The following AP4E1 variants were observed in gnomAD, a reference collection of about 807,000 sequenced individuals.
The protein encoded by AP4E1 is AP-4 complex subunit epsilon-1.
AP4E1 carries 56 observed loss-of-function variants against 128.2 expected under a neutral mutation model. That is an observed-to-expected ratio of 0.44 (90% confidence interval 0.35 to 0.55). AP4E1 has a LOEUF of 0.55. Among genes scored for constraint, AP4E1 ranks in the 20% least tolerant of loss-of-function variants. The pLI is 0.00. For synonymous variants in AP4E1, 484 were observed against 473.1 expected, an observed-to-expected ratio of 1.02 and a Z score of -0.30; for missense variants, 1,324 against 1,307.7, an observed-to-expected ratio of 1.01 and a Z score of -0.19.
Position 51,001,105 on chromosome 15 carries a change from T to G in AP4E1, c.3175T>G (p.Ser1059Ala), listed in dbSNP as rs1162164588. ...TGATGTGAAACAAAATGTAAAAATG[T>G]CAGAATCTCAAGCTGCACTTCCTTC... ...ANDVKQNVKM[S>A]ESQAALPSAL... Residue 1059 changes from serine (S) to alanine (A), a missense_variant, in exon 20 of 21, where the codon TCA (serine) becomes GCA (alanine). Transcript: ENST00000261842. 1.1e-5 allele frequency: 18 copies of G among 1,613,476 alleles called. No homozygotes were observed. Among genetic ancestry groups the G allele is most frequent in the Non-Finnish European group, 1.5e-5 (18 of 1,179,670 alleles).
intron 4 of AP4E1, among the ~76,000 whole-genome samples, chr15:50,924,598 T>A (rs932941868): frequency 6.6e-6 from 1 of 152,172 alleles, no homozygotes; most frequent in Non-Finnish European, 1.5e-5. Context: ...ATATACTATA[T>A]TAAGGTTACT....
At chr15:50,990,344 T>TTTTTTATTA (rs143254695) in intron 16 of AP4E1, among the ~76,000 whole-genome samples, 29 of 141,100 alleles carry the variant, frequency 2.1e-4, no homozygotes, top group Admixed American at 2.8e-4. Flanking sequence ...ATTTATTTAA[T>TTTTTTATTA]TTATTATTAT....
chr15:51,001,094 A>G lies in AP4E1; in HGVS notation c.3164A>G (p.Asn1055Ser), dbSNP rs1369890989. Residue 1055 changes from asparagine (N) to serine (S), a missense_variant, in exon 20 of 21, where the codon AAT becomes AGT. Coordinates refer to ENST00000261842, the MANE Select transcript of AP4E1 (RefSeq NM_007347.5). ...WLSFANDVKQNVKMSESQAAL... is the reference protein window; with the variant it reads ...WLSFANDVKQSVKMSESQAAL... ...TCCTTCGCAAATGATGTGAAACAAAATGTAAAAATGTCAGAATCTCAAGCT... is the reference window on the plus strand; with the variant it reads ...TCCTTCGCAAATGATGTGAAACAAAGTGTAAAAATGTCAGAATCTCAAGCT... The G allele has an allele frequency of 8.1e-6, 13 of 1,613,504 alleles. No homozygotes were observed. The highest frequency in any genetic ancestry group is 1.0e-5 in the Non-Finnish European group (12 of 1,179,676).
intron 14 of AP4E1, among the ~76,000 whole-genome samples, chr15:50,964,679 G>C (rs2140888002): frequency 6.6e-6 from 1 of 151,794 alleles, no homozygotes; most frequent in South Asian, 2.1e-4. Flanking sequence ...TAAGGTGCTT[G>C]GGCTTTGATT....
Position 50,997,551 on chromosome 15 carries a change from C to T in AP4E1, c.2572C>T (p.Leu858Phe), listed in dbSNP as rs1298424820. The stretch of plus-strand genomic sequence containing the variant: ...TTCAGAACTTTTGGATTCTGAGTCA[C>T]TCACAGAACTGCCCTTGGTTGAGAA... ...LTSELLDSES[L>F]TELPLVEKFS... is the part of the protein sequence containing the mutation. The change falls in exon 18 of 21, where the codon CTC (leucine) becomes TTC (phenylalanine). Residue 858 changes from leucine to phenylalanine, a missense_variant. Physicochemically the swap from Leu to Phe is conservative, Grantham distance 22. Transcript: ENST00000261842. 11 of 1,614,084 alleles carry T rather than the reference C, an allele frequency of 6.8e-6. No homozygotes were observed. The highest frequency in any genetic ancestry group is 1.7e-5 in the Admixed American group (1 of 60,016).
At chr15:50,952,595 A>G (rs1455481971) in intron 13 of AP4E1, among the ~76,000 whole-genome samples, 2 of 152,126 alleles carry the variant, frequency 1.3e-5, no homozygotes, top group African/African-American at 4.8e-5. Flanking sequence ...ATTTGTACCA[A>G]AAAATGTCTC....
intron 3 of AP4E1, among the ~76,000 whole-genome samples, chr15:50,922,525 T>C (rs1373111482): frequency 1.3e-5 from 2 of 152,134 alleles, no homozygotes; most frequent in Non-Finnish European, 2.9e-5. Context: ...TCCTGTTCCA[T>C]GGTAGACACA....
At chr15:50,980,685 T>C (rs12898530) in intron 15 of AP4E1, among the ~76,000 whole-genome samples, 65,905 of 151,772 alleles carry the variant, frequency 0.43, 14,503 homozygotes, top group East Asian at 0.59. Flanking sequence ...GTGCAGAATG[T>C]TTTCAGGGGA....
At position 50,993,393 on chromosome 15, in the gene AP4E1, G is replaced by A. The variant is rs371288194; in HGVS notation, c.2114G>A (p.Gly705Asp). Reference protein sequence around the residue: ...LKETNSLKLEGIKKLWGKEGY... With the variant: ...LKETNSLKLEDIKKLWGKEGY... ...AGGACAAATAGCTTGAAGCTGGAAG[G>A]TATAAAGAAATTGTGGGGGAAAGAA... The change falls in exon 17 of 21, where the codon GGT becomes GAT. Residue 705 changes from glycine to aspartate, a missense_variant. Coordinates refer to ENST00000261842, the MANE Select transcript of AP4E1 (RefSeq NM_007347.5). 7.4e-6 allele frequency: 12 copies of A among 1,613,918 alleles called. No homozygotes were observed. The highest frequency in any genetic ancestry group is 1.0e-5 in the Non-Finnish European group (12 of 1,179,936).
intron 5 of AP4E1, 142 bp downstream of exon 5, chr15:50,925,361 T>C: frequency 1.1e-6 from 1 of 896,030 alleles, no homozygotes; most frequent in Non-Finnish European, 1.7e-6. Flanking sequence ...TTCAATAGGA[T>C]CATCTTTATT....
chr15:51,002,569 T>C lies in AP4E1; in HGVS notation c.3321T>C (p.His1107=), dbSNP rs760511618. 6.2e-7 allele frequency: 1 copy of C among 1,614,228 alleles called. No individual in the cohort carries two copies. Among genetic ancestry groups the C allele is most frequent in the Non-Finnish European group, 8.5e-7 (1 of 1,180,022 alleles). The part of the protein sequence containing the change: ...SIPCLLHCRV[H]ADVLALWFRS... ...CCTGCTTACTGCATTGCCGAGTTCA[T>C]GCAGATGTATTAGCCCTGTGGTTCA... The change falls in exon 21 of 21, where the codon CAT becomes CAC. Residue 1107 remains histidine (H), a synonymous_variant. Coordinates refer to ENST00000261842, the MANE Select transcript of AP4E1 (RefSeq NM_007347.5).
chr15:51,000,571 G>T (rs933180177), intron 19 of AP4E1, among the ~76,000 whole-genome samples: 2 of 152,154 alleles, frequency 1.3e-5, no homozygotes, highest in African/African-American at 2.4e-5. Context: ...GAGGTCTCCT[G>T]AACCATTTAA....
intron 4 of AP4E1, 39 bp downstream of exon 4, chr15:50,924,043 C>T (rs772927163): frequency 5.0e-5 from 74 of 1,493,630 alleles, no homozygotes; most frequent in Non-Finnish European, 6.3e-5. Context: ...AGTCATAATT[C>T]TTGTCAGCAC....
rs2064993731 is a variant in AP4E1 at position 51,004,003 on chromosome 15, C to G, written c.*1341C>G. The G allele has an allele frequency of 6.6e-6, 1 of 152,170 alleles. No individual in the cohort carries two copies. The allele number at this position is 152,170 out of a possible 1,614,324, so 9.4% of individuals were successfully genotyped here. On this transcript the variant is annotated 3_prime_UTR_variant, in exon 21 of 21. Coordinates refer to ENST00000261842, the MANE Select transcript of AP4E1 (RefSeq NM_007347.5). ...GAGTATTCCTCCCTAAAAACAAAAG[C>G]AGTATTTTCTTTCTCAATTAATTTT...
chr15:50,943,249 T>C (rs1456942851), intron 10 of AP4E1, among the ~76,000 whole-genome samples: 1 of 152,112 alleles, frequency 6.6e-6, no homozygotes. Context: ...AAAAAGAGAA[T>C]CTACTAAATA....
chr15:50,975,330 G>A (rs537297080), intron 15 of AP4E1, among the ~76,000 whole-genome samples: 6 of 152,130 alleles, frequency 3.9e-5, no homozygotes, highest in Non-Finnish European at 7.4e-5. Flanking sequence ...ACTTGAACCC[G>A]GGAGGTGGAG....
rs78870657 is a variant in AP4E1, at chr15:50,958,509, C to G, written c.1566C>G (p.Ser522=). The change falls in exon 14 of 21, where the codon TCC becomes TCG. Residue 522 remains serine (S), a synonymous_variant. Coordinates refer to ENST00000261842, the MANE Select transcript of AP4E1 (RefSeq NM_007347.5). ...QVMSWVLGEY[S]YLLDKETPEE... is the part of the protein sequence containing the mutation. Reference sequence around the variant, plus strand: ...ATTTACAGGTATTAGGGGAATATTCCTACCTCTTAGATAAGGAAACGCCAG... The same window carrying G: ...ATTTACAGGTATTAGGGGAATATTCGTACCTCTTAGATAAGGAAACGCCAG... The G allele has an allele frequency of 5.9e-4, 950 of 1,612,216 alleles. 2 individuals carry two copies. The highest frequency in any genetic ancestry group is 7.1e-4 in the South Asian group (65 of 90,932).
intron 15 of AP4E1, among the ~76,000 whole-genome samples, chr15:50,978,866 A>T (rs113350285): frequency 0.029 from 4,428 of 152,214 alleles, 94 homozygotes; most frequent in Non-Finnish European, 0.046. Context: ...TCATCACTAT[A>T]TGGGTCTTGG....
At chr15:51,000,597 A>C (rs939704353) in intron 19 of AP4E1, among the ~76,000 whole-genome samples, 1 of 152,168 alleles carries the variant, frequency 6.6e-6, no homozygotes, top group Non-Finnish European at 1.5e-5. Context: ...GTGTTTGTTA[A>C]AATTCTTTCT....
Sources: allele counts gnomAD v4.1 joint callset (sites outside exome capture counted in the v4.1 genomes callset), GRCh38; gene constraint gnomAD v4.1.1; transcripts MANE v1.5; gene names NCBI Gene and HGNC (gene_info 2026-07-23, HGNC 2026-07-21).